GSE1: variants seen among roughly 807,000 people sequenced by gnomAD.
GSE1 encodes the protein genetic suppressor element 1.
In GSE1, 32 loss-of-function variants were observed where a neutral mutation model predicts 112.6. The observed-to-expected ratio is 0.28, with a 90% CI of 0.21 to 0.38. The LOEUF is 0.38. Among genes scored for constraint, GSE1 ranks in the 10% least tolerant of loss-of-function variants. The pLI, the probability that GSE1 is intolerant of heterozygous loss-of-function variation, is 1.00. For missense variants in GSE1, 2,348 were observed against 1,699.2 expected, an observed-to-expected ratio of 1.38 and a Z score of -6.71; for synonymous variants, 1,115 against 735.6, an observed-to-expected ratio of 1.52 and a Z score of -8.35.
chr16:85,590,178 G>C (rs2046926826), intron 1 of GSE1, among the ~76,000 whole-genome samples: 1 of 152,078 alleles, frequency 6.6e-6, no homozygotes, highest in African/African-American at 2.4e-5. Flanking sequence ...GTGACATTGT[G>C]TATGTCACTG....
intron 2 of GSE1, among the ~76,000 whole-genome samples, chr16:85,641,351 C>T (rs985782639): frequency 1.6e-4 from 25 of 152,242 alleles, no homozygotes; most frequent in African/African-American, 5.3e-4. Context: ...CCGCACCTCC[C>T]GCTGTCAGTT....
At position 85,185,960 on chromosome 16, in the gene GSE1, T is replaced by A. The variant is rs528122603; in HGVS notation, c.2283+14153T>A. Among the ~76,000 whole-genome samples, 9 of 152,162 alleles carry A rather than the reference T, an allele frequency of 5.9e-5. No individual in the cohort carries two copies. In the South Asian group the frequency reaches 1.9e-3, roughly 32 times the overall value. Reference sequence around the variant, plus strand: ...GCGGAGGCCTGAGCAGGGTGATGGGTGGGTTCGGTCAGCAGTTTCACGGGC... The same window carrying A: ...GCGGAGGCCTGAGCAGGGTGATGGGAGGGTTCGGTCAGCAGTTTCACGGGC... On this transcript the variant is annotated intron_variant, in intron 1 of 2. Transcript: ENST00000637419.
rs1491583323 is a variant in GSE1, at chr16:85,478,914, T to TC, written c.2464+121272dup. 3.8e-4 allele frequency among the ~76,000 whole-genome samples: 22 copies of TC among 57,738 alleles called. 1 individual carries two copies. The highest frequency in any genetic ancestry group is 1.8e-3 in the African/African-American group (19 of 10,464). The allele number at this position is 57,738 out of a possible 152,430, so 37.9% of individuals were successfully genotyped here. ...TTCTTTCTTTCTTTCTTTCTTTCTT[T>TC]CTTTCTTTCTTTCTCTTTCTTTCTT... On this transcript the variant is annotated intron_variant, in intron 2 of 2. Coordinates refer to the GSE1 transcript ENST00000637419.
At chr16:85,646,079 TG>T in intron 2 of GSE1, among the ~76,000 whole-genome samples, 1 of 136,008 alleles carries the variant, frequency 7.4e-6, no homozygotes, top group African/African-American at 3.2e-5. Flanking sequence ...GCATTCTACC[TG>T]CTTCTACCAC....
Position 85,388,340 on chromosome 16 carries a change from ATGGCTG to A in GSE1, c.2464+30698_2464+30703del, listed in dbSNP as rs1567728736. 3.6e-3 allele frequency among the ~76,000 whole-genome samples: 178 copies of A among 49,200 alleles called. 15 individuals are homozygous for A. Among genetic ancestry groups the A allele is most frequent in the African/African-American group, 5.1e-3 (57 of 11,246 alleles). The allele number at this position is 49,200 out of a possible 152,430, so 32.3% of individuals were successfully genotyped here. On this transcript the variant is annotated intron_variant, in intron 2 of 2. Coordinates refer to the GSE1 transcript ENST00000637419. The stretch of plus-strand genomic sequence containing the variant: ...GATGGATGGATGGATGAATGGATGT[ATGGCTG>A]GATGGATGGGTGAGTGGATGGGCGG...
At chr16:85,533,843 C>A (rs2044224624) in intron 2 of GSE1, among the ~76,000 whole-genome samples, 1 of 152,078 alleles carries the variant, frequency 6.6e-6, no homozygotes, top group African/African-American at 2.4e-5. Flanking sequence ...TCAGCCTGGG[C>A]AACAGAGGGA....
intron 1 of GSE1, among the ~76,000 whole-genome samples, chr16:85,346,807 G>A (rs1318680133): frequency 6.9e-6 from 1 of 145,344 alleles, no homozygotes; most frequent in Non-Finnish European, 1.5e-5. Flanking sequence ...AGATGGATGA[G>A]TGGTAGATGG....
chr16:85,409,398 C>T (rs1432204470), intron 2 of GSE1, among the ~76,000 whole-genome samples: 1 of 36,302 alleles, frequency 2.8e-5, no homozygotes, highest in Non-Finnish European at 5.2e-5. Flanking sequence ...CTCACTGTTA[C>T]ACTCAGGGCC....
chr16:85,184,122 G>C (rs2143347953), intron 1 of GSE1, among the ~76,000 whole-genome samples: 1 of 152,332 alleles, frequency 6.6e-6, no homozygotes, highest in Admixed American at 6.5e-5. Flanking sequence ...ACAGGCTTCT[G>C]AGGATCCTCT....
intron 2 of GSE1, among the ~76,000 whole-genome samples, chr16:85,507,395 CGGGG>C (rs1567545516): frequency 6.6e-6 from 1 of 152,150 alleles, no homozygotes; most frequent in African/African-American, 2.4e-5. Flanking sequence ...GCTCCTGGGC[CGGGG>C]TGGGGAGGGC....
At chr16:85,231,096 G>GGACA (rs776898579) in intron 1 of GSE1, among the ~76,000 whole-genome samples, 4 of 142,010 alleles carry the variant, frequency 2.8e-5, no homozygotes, top group African/African-American at 7.9e-5. Flanking sequence ...ATGGATGGAT[G>GGACA]GACAGATGAA....
At chr16:85,434,751 G>C (rs11647457) in intron 2 of GSE1, among the ~76,000 whole-genome samples, 4 of 152,244 alleles carry the variant, frequency 2.6e-5, no homozygotes, top group Admixed American at 2.0e-4. Flanking sequence ...CCGGGAGGCA[G>C]AGGTTGCAGT....
chr16:85,594,136 C>T (rs1023947754), intron 1 of GSE1: 1 of 151,588 alleles, frequency 6.6e-6, no homozygotes, highest in African/African-American at 2.4e-5. Flanking sequence ...CCAGCCAGGG[C>T]TGCCCAAGGC....
chr16:85,246,395 C>T (rs1469439566), intron 1 of GSE1, among the ~76,000 whole-genome samples: 15 of 94,144 alleles, frequency 1.6e-4, no homozygotes, highest in African/African-American at 4.8e-5. Context: ...ACACACCCCA[C>T]ACGCTGTCTA....
chr16:85,235,989 C>G (rs1040492763), intron 1 of GSE1, among the ~76,000 whole-genome samples: 1 of 151,636 alleles, frequency 6.6e-6, no homozygotes, highest in African/African-American at 2.4e-5. Context: ...TGGGCCTGGG[C>G]CTGGGCCTGG....
rs771071094 is a variant in GSE1, at chr16:85,634,067, C to A, written c.161C>A (p.Ala54Asp). Residue 54 changes from alanine (A) to aspartate (D), a missense_variant, in exon 2 of 16, where the codon GCC becomes GAC. Coordinates refer to ENST00000253458, the MANE Select transcript of GSE1 (RefSeq NM_014615.5). ...ACCAGCAGCGCGCTGTCGGCCCAGG[C>A]CGCGCCATCCTCCAGCTTTGCCGCC... is the stretch of plus-strand genomic sequence containing the variant. Reference protein sequence around the residue: ...PATSSALSAQAAPSSSFAAAL... With the variant: ...PATSSALSAQDAPSSSFAAAL... 2 of 1,605,798 alleles carry A rather than the reference C, an allele frequency of 1.2e-6. No individual in the cohort carries two copies. Among genetic ancestry groups the A allele is most frequent in the East Asian group, 4.5e-5 (2 of 44,658 alleles).
At chr16:85,264,362 G>A (rs1026693543) in intron 1 of GSE1, among the ~76,000 whole-genome samples, 2 of 152,112 alleles carry the variant, frequency 1.3e-5, no homozygotes, top group African/African-American at 4.8e-5. Context: ...ACCGGGTGAG[G>A]TAGAGGGGAG....
In GSE1 at chr16:85,676,104, T is replaced by C. The variant is rs1055671526; in HGVS notation, c.*3565T>C. The C allele has an allele frequency of 6.6e-6, 1 of 152,668 alleles. No homozygotes were observed. Among genetic ancestry groups the C allele is most frequent in the Admixed American group, 6.5e-5 (1 of 15,280 alleles). 9.5% of individuals were successfully genotyped at this position (152,668 alleles called of 1,614,324 possible). A position where few individuals can be genotyped will look rare whatever the true frequency, so the allele number is the denominator to read the frequency against. ...TAAGTGTACTTGTTTGAATTAATTG[T>C]ATTGTAATATTATTTGTTGAATGTA... On this transcript the variant is annotated 3_prime_UTR_variant, in exon 16 of 16. Coordinates refer to ENST00000253458, the MANE Select transcript of GSE1 (RefSeq NM_014615.5).
At chr16:85,495,663 TA>T (rs1021689834) in intron 2 of GSE1, among the ~76,000 whole-genome samples, 2 of 151,698 alleles carry the variant, frequency 1.3e-5, no homozygotes, top group Non-Finnish European at 2.9e-5. Context: ...GCTAATTTTT[TA>T]AAAAAAATTT....
Sources: allele counts gnomAD v4.1 joint callset (sites outside exome capture counted in the v4.1 genomes callset), GRCh38; gene constraint gnomAD v4.1.1; transcripts MANE v1.5; gene names NCBI Gene and HGNC (gene_info 2026-07-23, HGNC 2026-07-21).